Variants in MAGI2 observed in about 807,000 individuals in gnomAD.
MAGI2 encodes the protein membrane-associated guanylate kinase, WW and PDZ domain-containing protein 2.
MAGI2 carries 35 observed loss-of-function variants against 133.3 expected under a neutral mutation model. The ratio of observed to expected loss-of-function variants is 0.26; its 90% CI spans 0.20 to 0.35. The LOEUF (loss-of-function observed/expected upper bound fraction) is 0.35, where lower values mean the gene tolerates loss of function less well. Ranked by LOEUF, MAGI2 falls within the 10% of genes least tolerant of loss-of-function variation. MAGI2 has a pLI of 1.00. For missense variants in MAGI2, 1,636 were observed against 1,863.4 expected (o/e 0.88, Z 2.25); for synonymous variants, 729 against 710.6 (o/e 1.03, Z -0.41).
intron 2 of MAGI2, chr7:78,940,361 G>T (rs1800868248): frequency 6.6e-6 from 1 of 152,090 alleles, no homozygotes; most frequent in African/African-American, 2.4e-5. Context: ...ATCTATGTCT[G>T]CTTGTGAGGC....
chr7:78,497,754 ATCTATCTATCTT>A lies in MAGI2; in HGVS notation c.965+3811_965+3822del, dbSNP rs1404394694. 5.9e-3 allele frequency among the ~76,000 whole-genome samples: 614 copies of A among 104,494 alleles called. 6 individuals are homozygous for A. Among genetic ancestry groups the A allele is most frequent in the African/African-American group, 0.021 (575 of 27,668 alleles). 68.6% of individuals were successfully genotyped at this position (104,494 alleles called of 152,430 possible). ...TATCTATCTATCTATCTATCTATCT[ATCTATCTATCTT>A]TCTATCTTATACACAGAACCAAAGA... On this transcript the variant is annotated intron_variant, in intron 5 of 21. Coordinates refer to ENST00000354212, the MANE Select transcript of MAGI2 (RefSeq NM_012301.4).
chr7:78,318,432 C>A (rs529502608), intron 9 of MAGI2, among the ~76,000 whole-genome samples: 1 of 151,694 alleles, frequency 6.6e-6, no homozygotes, highest in South Asian at 2.1e-4. Context: ...GAAAAAAGAA[C>A]GAAAAGGAAC....
intron 2 of MAGI2, among the ~76,000 whole-genome samples, chr7:78,842,177 T>C (rs1792200364): frequency 6.6e-6 from 1 of 151,832 alleles, no homozygotes; most frequent in Admixed American, 6.6e-5. Context: ...GAACAAGTAA[T>C]AAATAATCAC....
intron 9 of MAGI2, among the ~76,000 whole-genome samples, chr7:78,273,661 T>A (rs1794793806): frequency 6.6e-6 from 1 of 152,162 alleles, no homozygotes; most frequent in Non-Finnish European, 1.5e-5. Flanking sequence ...CCTAATCTTC[T>A]CTTCTCGCTT....
At chr7:78,279,333 T>C (rs1390037817) in intron 9 of MAGI2, among the ~76,000 whole-genome samples, 3 of 152,126 alleles carry the variant, frequency 2.0e-5, no homozygotes, top group Non-Finnish European at 2.9e-5. Flanking sequence ...TCACTCCGAG[T>C]GGATAAACTG....
At chr7:79,034,728 G>A (rs889207911) in intron 1 of MAGI2, among the ~76,000 whole-genome samples, 2 of 152,172 alleles carry the variant, frequency 1.3e-5, no homozygotes, top group African/African-American at 4.8e-5. Context: ...AGGCAAATGT[G>A]AAAAATCCAA....
chr7:78,848,309 C>A (rs1792805654), intron 2 of MAGI2, among the ~76,000 whole-genome samples: 1 of 151,902 alleles, frequency 6.6e-6, no homozygotes, highest in Non-Finnish European at 1.5e-5. Flanking sequence ...CATTCCTTCA[C>A]CCTCCACATC....
chr7:78,482,840 T>G (rs1792541360), intron 6 of MAGI2, among the ~76,000 whole-genome samples: 1 of 149,550 alleles, frequency 6.7e-6, no homozygotes, highest in South Asian at 2.1e-4. Flanking sequence ...GTGGTCATAC[T>G]TATGTATAAC....
At chr7:78,564,489 AAGTT>A (rs1468399415) in intron 3 of MAGI2, among the ~76,000 whole-genome samples, 1 of 152,192 alleles carries the variant, frequency 6.6e-6, no homozygotes, top group Non-Finnish European at 1.5e-5. Context: ...TTAGCAAAGA[AAGTT>A]AGATAATTTT....
At chr7:78,941,661 T>C (rs1800984391) in intron 2 of MAGI2, among the ~76,000 whole-genome samples, 1 of 151,624 alleles carries the variant, frequency 6.6e-6, no homozygotes, top group East Asian at 2.0e-4. Flanking sequence ...TTTAGACTAC[T>C]ATATCCCAGG....
chr7:78,486,033 G>A (rs897444897), intron 6 of MAGI2: 5 of 152,100 alleles, frequency 3.3e-5, no homozygotes, highest in Non-Finnish European at 7.4e-5. Context: ...AGAGGTGAAG[G>A]AAGAATTTGC....
chr7:78,337,131 T>C (rs892368499), intron 9 of MAGI2, among the ~76,000 whole-genome samples: 3 of 152,336 alleles, frequency 2.0e-5, no homozygotes, highest in African/African-American at 7.2e-5. Flanking sequence ...GTGTAAGCCA[T>C]GTTACATCAA....
At chr7:79,019,745 A>T (rs1036171519) in intron 1 of MAGI2, among the ~76,000 whole-genome samples, 1 of 152,152 alleles carries the variant, frequency 6.6e-6, no homozygotes, top group East Asian at 1.9e-4. Flanking sequence ...GGGTTTCAGC[A>T]TGTTGGCCAG....
At chr7:79,347,828 T>C (rs1437934510) in intron 1 of MAGI2, among the ~76,000 whole-genome samples, 1 of 151,952 alleles carries the variant, frequency 6.6e-6, no homozygotes, top group African/African-American at 2.4e-5. Flanking sequence ...TTTGTGTGTA[T>C]GGCCATAAAC....
rs182217983 is a variant in MAGI2, at chr7:78,303,950, A to C, written c.1408+39828T>G. ...ATCATCTCCAAAACTCTTAATTCCT[A>C]CTCCCCCACTCCCCACCAAGCTATT... On this transcript the variant is annotated intron_variant, in intron 9 of 21. Coordinates refer to ENST00000354212, the MANE Select transcript of MAGI2 (RefSeq NM_012301.4). Among the ~76,000 whole-genome samples the C allele has an allele frequency of 1.9e-3, 284 of 151,258 alleles. 3 individuals are homozygous for C. The highest frequency in any genetic ancestry group is 6.7e-3 in the African/African-American group (276 of 41,150).
chr7:78,974,264 C>A (rs907223015), intron 2 of MAGI2, among the ~76,000 whole-genome samples: 1 of 151,346 alleles, frequency 6.6e-6, no homozygotes, highest in Non-Finnish European at 1.5e-5. Flanking sequence ...AAATATCAAG[C>A]CTCTTTCGGG....
intron 6 of MAGI2, among the ~76,000 whole-genome samples, chr7:78,444,995 C>A (rs1457774922): frequency 6.6e-6 from 1 of 151,268 alleles, no homozygotes; most frequent in Non-Finnish European, 1.5e-5. Context: ...TTTCTCTATT[C>A]AAATTCCCCT....
At chr7:78,450,417 C>T (rs1443013171) in intron 6 of MAGI2, among the ~76,000 whole-genome samples, 1 of 151,948 alleles carries the variant, frequency 6.6e-6, no homozygotes, top group African/African-American at 2.4e-5. Context: ...TGAAATTGCC[C>T]CATTTAGGAA....
intron 2 of MAGI2, among the ~76,000 whole-genome samples, chr7:78,947,329 T>C (rs925970184): frequency 1.3e-5 from 2 of 152,120 alleles, no homozygotes; most frequent in African/African-American, 4.8e-5. Flanking sequence ...ACTAAGTAGA[T>C]ACTTACTGAT....
Sources: gnomAD v4.1 joint callset for allele counts (sites outside exome capture counted in the v4.1 genomes callset) on GRCh38, gnomAD v4.1.1 for gene constraint, MANE v1.5 for transcripts, NCBI Gene and HGNC (gene_info 2026-07-23, HGNC 2026-07-21) for gene names.